ABI3BP: variants seen among roughly 807,000 people sequenced by gnomAD.
ABI3BP encodes ABI family member 3 binding protein.
Under a neutral mutation model 268.6 loss-of-function variants are expected in ABI3BP, and 216 were observed. The ratio of observed to expected loss-of-function variants is 0.80; its 90% CI spans 0.72 to 0.90. The LOEUF is 0.90. Among genes scored for constraint, ABI3BP ranks in the 40% least tolerant of loss-of-function variants. ABI3BP has a pLI of 0.00. For synonymous variants in ABI3BP, 730 were observed against 730.0 expected (o/e 1.00, Z 0.00); for missense variants, 2,090 against 2,182.4 (o/e 0.96, Z 0.84).
At chr3:100,992,443 A>T (rs2093089961) in intron 1 of ABI3BP, among the ~76,000 whole-genome samples, 1 of 152,228 alleles carries the variant, frequency 6.6e-6, no homozygotes, top group South Asian at 2.1e-4. Context: ...GTTTTCCATC[A>T]TGACTGTATG....
At chr3:100,955,566 T>G (rs2076541417) in intron 1 of ABI3BP, among the ~76,000 whole-genome samples, 1 of 152,218 alleles carries the variant, frequency 6.6e-6, no homozygotes, top group Admixed American at 6.5e-5. Flanking sequence ...TGGATAATAT[T>G]TTTATATCTC....
chr3:100,812,458 C>G lies in ABI3BP; in HGVS notation c.3421+9G>C. On this transcript the variant is annotated intron_variant, in intron 46 of 67. Coordinates refer to ENST00000471714, the MANE Select transcript of ABI3BP (RefSeq NM_001375547.2). Reference sequence around the variant, plus strand: ...ATATGCTTGACTTCCCATTGGGGAACATTTTTACCTATGGTCTCCTTTGGT... The same window carrying G: ...ATATGCTTGACTTCCCATTGGGGAAGATTTTTACCTATGGTCTCCTTTGGT... 1 of 1,292,196 alleles carries G rather than the reference C, an allele frequency of 7.7e-7. No individual in the cohort carries two copies. The highest frequency in any genetic ancestry group is 9.8e-7 in the Non-Finnish European group (1 of 1,019,202). 80.0% of individuals were successfully genotyped at this position (1,292,196 alleles called of 1,614,324 possible). A position where few individuals can be genotyped will look rare whatever the true frequency, so the allele number is the denominator to read the frequency against.
chr3:100,842,565 G>A (rs957461845), intron 20 of ABI3BP, among the ~76,000 whole-genome samples: 10 of 152,132 alleles, frequency 6.6e-5, no homozygotes, highest in African/African-American at 2.4e-4. Flanking sequence ...AGTATCTATC[G>A]CTGGTAAACA....
At chr3:100,887,016 T>C (rs1265902868) in intron 4 of ABI3BP, among the ~76,000 whole-genome samples, 1 of 152,064 alleles carries the variant, frequency 6.6e-6, no homozygotes, top group Non-Finnish European at 1.5e-5. Flanking sequence ...AGGTTTTACA[T>C]ATATTACCTG....
intron 1 of ABI3BP, among the ~76,000 whole-genome samples, chr3:100,984,184 A>C (rs2153968878): frequency 6.6e-6 from 1 of 152,208 alleles, no homozygotes; most frequent in Middle Eastern, 3.4e-3. Context: ...ATTTAAAATA[A>C]ATTTGTTGGG....
Position 100,935,169 on chromosome 3 carries a change from C to T in ABI3BP, c.80-8688G>A, listed in dbSNP as rs1460657119. On this transcript the variant is annotated intron_variant, in intron 1 of 67. Transcript: ENST00000471714. ...TAATTTTTGTATAAGGTGTAAGGAA[C>T]GGATCCAGTTTCTGCTTTTGGCATA... Among the ~76,000 whole-genome samples the T allele has an allele frequency of 2.6e-5, 4 of 152,068 alleles. No homozygotes were observed. The East Asian group carries it at 5.8e-4, about 22-fold the overall frequency.
intron 7 of ABI3BP, among the ~76,000 whole-genome samples, chr3:100,876,027 T>C (rs2099158195): frequency 6.6e-6 from 1 of 152,220 alleles, no homozygotes; most frequent in Non-Finnish European, 1.5e-5. Context: ...GAACTATTTT[T>C]TTAAGGGCCC....
chr3:100,992,238 C>G (rs1377657451), intron 1 of ABI3BP, among the ~76,000 whole-genome samples: 1 of 152,190 alleles, frequency 6.6e-6, no homozygotes, highest in Non-Finnish European at 1.5e-5. Context: ...TCAGCCTTCA[C>G]ATGCTGGATT....
chr3:100,803,030 C>T (rs549713181), intron 51 of ABI3BP, among the ~76,000 whole-genome samples: 1 of 145,952 alleles, frequency 6.9e-6, no homozygotes, highest in South Asian at 2.4e-4. Context: ...TATGATTATT[C>T]CTGGGGGTGC....
chr3:100,774,532 C>T (rs2096646533), intron 61 of ABI3BP, 73 bp downstream of exon 61: 2 of 1,220,386 alleles, frequency 1.6e-6, no homozygotes, highest in Non-Finnish European at 2.3e-6. Context: ...GTTTTTTACA[C>T]AGCAATAACT....
chr3:100,913,104 A>G (rs2057359081), intron 2 of ABI3BP, among the ~76,000 whole-genome samples: 1 of 152,152 alleles, frequency 6.6e-6, no homozygotes, highest in African/African-American at 2.4e-5. Context: ...AGTAGTTCTA[A>G]GTTTCAACAG....
chr3:100,828,579 C>T, intron 33 of ABI3BP, 127 bp from the exon 34 acceptor site: 1 of 766,064 alleles, frequency 1.3e-6, no homozygotes. Flanking sequence ...ACACAATTAG[C>T]CTCCTGAGCT....
rs1455176227 is a variant in ABI3BP, at chr3:100,862,372, C to A, written c.1224G>T (p.Lys408Asn). The change falls in exon 14 of 68, where the codon AAG becomes AAT. Residue 408 changes from lysine (K) to asparagine (N), a missense_variant. Transcript: ENST00000471714. ...KPRGTLASSE[K>N]PWIVPTAKIS... ...TTTTAGCTGTAGGCACAATCCATGG[C>A]TTTTCACTTGAAGCTATATTGAAAA... 1 of 1,595,840 alleles carries A rather than the reference C, an allele frequency of 6.3e-7. No individual in the cohort carries two copies. The highest frequency in any genetic ancestry group is 8.5e-7 in the Non-Finnish European group (1 of 1,172,154).
At chr3:100,961,968 T>C (rs1003276567) in intron 1 of ABI3BP, among the ~76,000 whole-genome samples, 9 of 152,156 alleles carry the variant, frequency 5.9e-5, no homozygotes, top group African/African-American at 2.2e-4. Flanking sequence ...ATCTCAACTG[T>C]GGATGAGCCC....
intron 34 of ABI3BP, among the ~76,000 whole-genome samples, chr3:100,827,843 G>A (rs1156432826): frequency 5.3e-5 from 8 of 151,990 alleles, no homozygotes; most frequent in African/African-American, 1.9e-4. Context: ...TGGAGACTAG[G>A]GGGAATGCAA....
rs1236072162 is a variant in ABI3BP at position 100,811,747 on chromosome 3, T to C, written c.3474A>G (p.Pro1158=). Residue 1158 remains proline, a synonymous_variant, in exon 47 of 68, where the codon CCA becomes CCG. Transcript: ENST00000471714. ...VYPTAKAPLW[P]EEPKTEVVES... ...TGCTACCTTCAGTCTTTGGCTCCTC[T>C]GGCCAGAGTGGTGCTTTGGCAGTGG... is the stretch of plus-strand genomic sequence containing the variant. The C allele has an allele frequency of 1.3e-6, 2 of 1,535,514 alleles. No homozygotes were observed. The highest frequency in any genetic ancestry group is 2.0e-5 in the Admixed American group (1 of 50,974).
intron 57 of ABI3BP, 69 bp downstream of exon 57, chr3:100,787,659 A>C (rs2097090862): frequency 7.9e-7 from 1 of 1,261,178 alleles, no homozygotes; most frequent in Non-Finnish European, 1.1e-6. Context: ...GAATTCAGCA[A>C]TATCATGAAA....
intron 14 of ABI3BP, among the ~76,000 whole-genome samples, chr3:100,854,027 T>C (rs1391388804): frequency 6.6e-6 from 1 of 152,064 alleles, no homozygotes; most frequent in African/African-American, 2.4e-5. Context: ...TCATTTCATT[T>C]ATGAGTTAAA....
At chr3:100,939,409 T>G (rs534392699) in intron 1 of ABI3BP, among the ~76,000 whole-genome samples, 1 of 152,226 alleles carries the variant, frequency 6.6e-6, no homozygotes, top group Non-Finnish European at 1.5e-5. Context: ...TTCTTTCCTA[T>G]TTTCCTTAAG....
Sources: gnomAD v4.1 joint callset for allele counts (sites outside exome capture counted in the v4.1 genomes callset) on GRCh38, gnomAD v4.1.1 for gene constraint, MANE v1.5 for transcripts, NCBI Gene and HGNC (gene_info 2026-07-23, HGNC 2026-07-21) for gene names.